The following ROBO1 variants were observed in gnomAD, a reference collection of about 807,000 sequenced individuals.
ROBO1 encodes the protein roundabout guidance receptor 1, also known as roundabout homolog 1.
Under a neutral mutation model 195.9 loss-of-function variants are expected in ROBO1, and 149 were observed. The observed-to-expected ratio is 0.76, with a 90% CI of 0.67 to 0.87. The LOEUF is 0.87. Among genes scored for constraint, ROBO1 ranks in the 40% least tolerant of loss-of-function variants. ROBO1 has a pLI of 0.00. For synonymous variants in ROBO1, 816 were observed against 733.2 expected, an observed-to-expected ratio of 1.11 and a Z score of -1.82; for missense variants, 1,933 against 2,068.3, an observed-to-expected ratio of 0.93 and a Z score of 1.27.
rs1389236622 is a variant in ROBO1, at chr3:79,336,276, T to C, written c.89-210737A>G. On this transcript the variant is annotated intron_variant, in intron 2 of 30. Coordinates refer to ENST00000464233, the MANE Select transcript of ROBO1 (RefSeq NM_002941.4). The stretch of plus-strand genomic sequence containing the variant: ...GGCATGTCAGAGACCTTCCTGGCAA[T>C]CCCTCCCATCACAGGCCTGGAAGCC... Among the ~76,000 whole-genome samples the C allele has an allele frequency of 3.3e-5, 5 of 152,164 alleles. No homozygotes were observed. In the East Asian group the frequency reaches 9.6e-4, roughly 29 times the overall value.
intron 2 of ROBO1, among the ~76,000 whole-genome samples, chr3:79,479,866 T>C (rs141257500): frequency 8.5e-4 from 130 of 152,286 alleles, no homozygotes; most frequent in African/African-American, 2.9e-3. Context: ...CATGATGTTA[T>C]TGTGCTATAT....
intron 4 of ROBO1, among the ~76,000 whole-genome samples, chr3:78,822,366 G>A (rs1416428774): frequency 6.6e-6 from 1 of 152,108 alleles, no homozygotes; most frequent in African/African-American, 2.4e-5. Context: ...TGGTCCTGTT[G>A]CTTGTGCCAG....
intron 2 of ROBO1, among the ~76,000 whole-genome samples, chr3:79,425,954 A>G (rs1260005566): frequency 6.6e-6 from 1 of 152,146 alleles, no homozygotes; most frequent in Non-Finnish European, 1.5e-5. Flanking sequence ...GTTCTCAAAT[A>G]ATTTTTAAAT....
intron 3 of ROBO1, among the ~76,000 whole-genome samples, chr3:78,995,308 T>C (rs548331562): frequency 6.6e-6 from 1 of 152,066 alleles, no homozygotes; most frequent in African/African-American, 2.4e-5. Flanking sequence ...AAGGGTGATA[T>C]CTTATCACTC....
chr3:79,580,521 A>AAAAT (rs534274416), intron 2 of ROBO1, among the ~76,000 whole-genome samples: 1 of 151,976 alleles, frequency 6.6e-6, no homozygotes, highest in African/African-American at 2.4e-5. Flanking sequence ...ATAAATAAAT[A>AAAAT]AAATAAATAA....
At chr3:79,482,217 T>A (rs1013785475) in intron 2 of ROBO1, among the ~76,000 whole-genome samples, 1 of 152,192 alleles carries the variant, frequency 6.6e-6, no homozygotes, top group Non-Finnish European at 1.5e-5. Flanking sequence ...GCTCTACCTA[T>A]GTGAAGATGT....
intron 4 of ROBO1, among the ~76,000 whole-genome samples, chr3:78,925,436 T>C (rs184586630): frequency 1.1e-3 from 172 of 152,300 alleles, no homozygotes; most frequent in African/African-American, 3.9e-3. Flanking sequence ...AAATTATTTG[T>C]TTCCAAACAG....
At chr3:78,936,684 T>C (rs889416830) in intron 4 of ROBO1, among the ~76,000 whole-genome samples, 3 of 151,116 alleles carry the variant, frequency 2.0e-5, no homozygotes, top group Non-Finnish European at 2.9e-5. Flanking sequence ...TGTGCATAGG[T>C]TATGTGTAAA....
intron 18 of ROBO1, among the ~76,000 whole-genome samples, chr3:78,654,893 T>G (rs1327412259): frequency 6.6e-6 from 1 of 152,196 alleles, no homozygotes; most frequent in Non-Finnish European, 1.5e-5. Context: ...GTCATCACAG[T>G]GTTAACTTAT....
intron 10 of ROBO1, among the ~76,000 whole-genome samples, chr3:78,683,416 G>C (rs1426910213): frequency 6.6e-6 from 1 of 151,958 alleles, no homozygotes; most frequent in Non-Finnish European, 1.5e-5. Context: ...ATTTTCACAA[G>C]TTTATTTTAA....
intron 3 of ROBO1, among the ~76,000 whole-genome samples, chr3:79,107,018 T>C (rs986863637): frequency 6.6e-6 from 1 of 151,430 alleles, no homozygotes; most frequent in Non-Finnish European, 1.5e-5. Context: ...TAAGGTAAAA[T>C]TGCAAAGCTT....
intron 2 of ROBO1, among the ~76,000 whole-genome samples, chr3:79,167,494 A>G (rs2081090335): frequency 6.6e-6 from 1 of 152,202 alleles, no homozygotes; most frequent in Admixed American, 6.5e-5. Flanking sequence ...AATGACTGTC[A>G]TCATTTTGGG....
At chr3:79,104,865 T>C (rs2079747963) in intron 3 of ROBO1, among the ~76,000 whole-genome samples, 1 of 151,806 alleles carries the variant, frequency 6.6e-6, no homozygotes, top group South Asian at 2.1e-4. Flanking sequence ...TATAGTTTAA[T>C]GTAACAGAAA....
At chr3:78,831,463 T>G (rs943806656) in intron 4 of ROBO1, among the ~76,000 whole-genome samples, 2 of 152,182 alleles carry the variant, frequency 1.3e-5, no homozygotes, top group Non-Finnish European at 2.9e-5. Flanking sequence ...TTAAATGAAT[T>G]CATCTCCATT....
chr3:79,609,284 C>A (rs1489112482), intron 1 of ROBO1, among the ~76,000 whole-genome samples: 3 of 150,194 alleles, frequency 2.0e-5, no homozygotes, highest in Non-Finnish European at 4.4e-5. Flanking sequence ...AAAAAAAAAA[C>A]TGAAAAAAAA....
Position 78,720,954 on chromosome 3 carries a change from G to A in ROBO1, c.658-3071C>T, listed in dbSNP as rs527776238. On this transcript the variant is annotated intron_variant, in intron 5 of 30. Coordinates refer to ENST00000464233, the MANE Select transcript of ROBO1 (RefSeq NM_002941.4). The stretch of plus-strand genomic sequence containing the variant: ...CACTGGGACCTGTTGTGGGGTTGGG[G>A]GGGGGGCGGTGGAGGCATAGCATTA... Among the ~76,000 whole-genome samples, 9 of 151,104 alleles carry A rather than the reference G, an allele frequency of 6.0e-5. No individual in the cohort carries two copies. The South Asian group carries it at 6.2e-4, about 10-fold the overall frequency.
At chr3:79,739,545 A>G (rs2069150) in intron 1 of ROBO1, among the ~76,000 whole-genome samples, 5,596 of 152,194 alleles carry the variant, frequency 0.037, 354 homozygotes, top group African/African-American at 0.13. Flanking sequence ...ATATTACATT[A>G]CCACAAAACA....
chr3:79,753,270 G>T (rs1034443545), intron 1 of ROBO1, among the ~76,000 whole-genome samples: 1 of 150,784 alleles, frequency 6.6e-6, no homozygotes, highest in Non-Finnish European at 1.5e-5. Flanking sequence ...TGATTGGGGT[G>T]CAAACTGGAT....
At chr3:79,440,760 C>T (rs1433990861) in intron 2 of ROBO1, among the ~76,000 whole-genome samples, 5 of 151,976 alleles carry the variant, frequency 3.3e-5, no homozygotes, top group Admixed American at 6.6e-5. Context: ...TTGAGCAAGG[C>T]AAGATGGAAG....
Sources: gnomAD v4.1 joint callset for allele counts (sites outside exome capture counted in the v4.1 genomes callset) on GRCh38, gnomAD v4.1.1 for gene constraint, MANE v1.5 for transcripts, NCBI Gene and HGNC (gene_info 2026-07-23, HGNC 2026-07-21) for gene names.